The following CAPRIN2 variants were observed in gnomAD, a reference collection of about 807,000 sequenced individuals.
The protein encoded by CAPRIN2 is caprin-2.
CAPRIN2 carries 66 observed loss-of-function variants against 130.4 expected under a neutral mutation model. That is an observed-to-expected ratio of 0.51 (90% CI 0.42 to 0.62). The LOEUF (loss-of-function observed/expected upper bound fraction) is 0.62, where lower values mean the gene tolerates loss of function less well. Among genes scored for constraint, CAPRIN2 ranks in the 20% least tolerant of loss-of-function variants. The pLI is 0.00. For missense variants in CAPRIN2, 1,185 were observed against 1,246.6 expected (o/e 0.95, Z 0.74); for synonymous variants, 471 against 444.1 (o/e 1.06, Z -0.76).
intron 2 of CAPRIN2, 72 bp downstream of exon 3, chr12:30,750,999 G>A (rs1408937788): frequency 1.3e-5 from 14 of 1,062,992 alleles, no homozygotes; most frequent in South Asian, 2.5e-5. Context: ...AAGACTGATC[G>A]CACTAAATCC....
chr12:30,712,266 C>G (rs954321787), intron 15 of CAPRIN2, among the ~76,000 whole-genome samples: 5 of 151,990 alleles, frequency 3.3e-5, no homozygotes, highest in Admixed American at 6.6e-5. Flanking sequence ...AAAATTGAAA[C>G]AGGACAAGAA....
intron 7 of CAPRIN2, 124 bp from the exon 9 acceptor site, chr12:30,729,449 C>T: frequency 3.2e-6 from 2 of 624,742 alleles, no homozygotes. Flanking sequence ...AAATTTCTGT[C>T]CTTATTCTAC....
chr12:30,751,689 T>G (rs949436792), intron 1 of CAPRIN2: 2 of 152,898 alleles, frequency 1.3e-5, no homozygotes, highest in African/African-American at 4.8e-5. Flanking sequence ...TCTAATCTCA[T>G]GCTTAAACTA....
At chr12:30,727,360 A>G (rs1299729119) in intron 8 of CAPRIN2, among the ~76,000 whole-genome samples, 1 of 152,202 alleles carries the variant, frequency 6.6e-6, no homozygotes, top group Non-Finnish European at 1.5e-5. Context: ...TTGTTCCCAT[A>G]CAGAATTAAG....
At chr12:30,735,032 T>C in exon 4 of CAPRIN2, 3 of 1,614,180 alleles carry the variant, frequency 1.9e-6, no homozygotes, top group Non-Finnish European at 2.5e-6. Flanking sequence ...TCAAGTTCTT[T>C]TGAAGGCAAA....
intron 3 of CAPRIN2, among the ~76,000 whole-genome samples, chr12:30,739,805 T>C: frequency 6.6e-6 from 1 of 152,074 alleles, no homozygotes; most frequent in Non-Finnish European, 1.5e-5. Context: ...CTTCCCAGAC[T>C]ATTGTAAAAA....
chr12:30,721,282 T>C (rs1011998144), intron 11 of CAPRIN2, among the ~76,000 whole-genome samples: 3 of 152,278 alleles, frequency 2.0e-5, no homozygotes, highest in South Asian at 2.1e-4. Context: ...GGCCCTGTAG[T>C]AGATAGCATT....
intron 15 of CAPRIN2, 103 bp from the exon 18 acceptor site, chr12:30,711,732 T>G (rs1055829887): frequency 4.3e-6 from 4 of 921,874 alleles, no homozygotes; most frequent in Non-Finnish European, 7.1e-6. Context: ...TCCCCTTAGT[T>G]CTTTACCTGG....
chr12:30,716,111 T>C (rs1215584288), intron 13 of CAPRIN2: 1 of 187,578 alleles, frequency 5.3e-6, no homozygotes, highest in Non-Finnish European at 1.1e-5. Flanking sequence ...CTAAGTCATA[T>C]CTTCAATCTT....
chr12:30,751,109 G>A (rs758511179), exon 2 of CAPRIN2: 9 of 1,613,770 alleles, frequency 5.6e-6, no homozygotes, highest in Admixed American at 1.7e-5. Flanking sequence ...CTTTTCAGGC[G>A]ATCCTTATAA....
At chr12:30,751,102 T>C (rs748277562) in exon 2 of CAPRIN2, 2 of 1,613,964 alleles carry the variant, frequency 1.2e-6, no homozygotes, top group Non-Finnish European at 1.7e-6. Context: ...CTCTCCACTT[T>C]TCAGGCGATC....
intron 12 of CAPRIN2, chr12:30,719,079 T>C (rs1483666239): frequency 6.2e-7 from 1 of 1,612,960 alleles, no homozygotes; most frequent in Non-Finnish European, 8.5e-7. Flanking sequence ...TCATACTCAC[T>C]GTCTGCATGG....
At chr12:30,712,978 G>C (rs1010474719) in intron 15 of CAPRIN2, among the ~76,000 whole-genome samples, 1 of 152,168 alleles carries the variant, frequency 6.6e-6, no homozygotes, top group Admixed American at 6.5e-5. Flanking sequence ...CTGACCTCAA[G>C]TGATCCACCT....
At chr12:30,729,178 C>G (rs1288770575) in exon 8 of CAPRIN2, 1 of 1,614,058 alleles carries the variant, frequency 6.2e-7, no homozygotes. Context: ...TTAAAGGACT[C>G]CTGTTTCTTC....
In CAPRIN2 at chr12:30,729,277, CTTGT is replaced by C. The variant is rs2061845323; in HGVS notation, c.1149_1152del (p.Gln384AlafsTer55). On this transcript the variant is annotated frameshift_variant, in exon 8 of 17. Coordinates refer to ENST00000298892, the Ensembl canonical transcript of CAPRIN2. LOFTEE classifies it high-confidence loss of function. Reference sequence around the variant, plus strand: ...TCTGCTTCCCAAGGTTGCTCTTCGCCTTGTTTGTTTGAATAATCTACTTCTGTCA... The same window carrying C: ...TCTGCTTCCCAAGGTTGCTCTTCGCCTTGTTTGAATAATCTACTTCTGTCA... The C allele has an allele frequency of 1.3e-6, 2 of 1,598,104 alleles. No individual in the cohort carries two copies. The highest frequency in any genetic ancestry group is 1.8e-5 in the Admixed American group (1 of 56,342).
At position 30,734,967 on chromosome 12, in the gene CAPRIN2, C is replaced by T; in HGVS notation, c.809+1G>A. 2 of 1,602,660 alleles carry T rather than the reference C, an allele frequency of 1.2e-6. No homozygotes were observed. The highest frequency in any genetic ancestry group is 1.7e-6 in the Non-Finnish European group (2 of 1,169,814). ...TCAGGAAAATCTTTTCATTAGCTTACCTCAGACTTTCATTTCTTTCAGGGC... is the reference window on the plus strand; with the variant it reads ...TCAGGAAAATCTTTTCATTAGCTTATCTCAGACTTTCATTTCTTTCAGGGC... On this transcript the variant is annotated splice_donor_variant, in intron 4 of 16. Transcript: ENST00000298892. LOFTEE classifies it high-confidence loss of function.
intron 12 of CAPRIN2, chr12:30,720,373 T>G (rs1269205931): frequency 1.3e-5 from 2 of 156,168 alleles, no homozygotes; most frequent in Non-Finnish European, 2.8e-5. Flanking sequence ...TGTGAGCCAC[T>G]GCATCTGACC....
chr12:30,741,140 G>C, intron 2 of CAPRIN2, 34 bp from the exon 4 acceptor site: 3 of 1,238,968 alleles, frequency 2.4e-6, no homozygotes, highest in Non-Finnish European at 3.5e-6. Flanking sequence ...TAAATTTTGT[G>C]ACTGTTTAAG....
At position 30,753,625 on chromosome 12, in the gene CAPRIN2, GA is replaced by G; in HGVS notation, c.138del (p.Pro48HisfsTer35). The G allele has an allele frequency of 6.2e-7, 1 of 1,614,158 alleles. No individual in the cohort carries two copies. On this transcript the variant is annotated frameshift_variant, in exon 1 of 17. Transcript: ENST00000298892. LOFTEE classifies it high-confidence loss of function. ...ACAGATGAGGCTGAAGGAGGTGGGG[GA>G]AAGTTAAGTATAAAATTAGGACTAG... is the stretch of plus-strand genomic sequence containing the variant.
Sources: gnomAD v4.1 joint callset for allele counts (sites outside exome capture counted in the v4.1 genomes callset) on GRCh38, gnomAD v4.1.1 for gene constraint, MANE v1.5 for transcripts, NCBI Gene and HGNC (gene_info 2026-07-23, HGNC 2026-07-21) for gene names.